The following SEM1 variants were observed in gnomAD, a reference collection of about 807,000 sequenced individuals.
SEM1 encodes the protein SEM1 26S proteasome subunit.
In SEM1, 3 loss-of-function variants were observed where a neutral mutation model predicts 12.7. The observed-to-expected ratio is 0.24, with a 90% CI of 0.11 to 0.61. The LOEUF (loss-of-function observed/expected upper bound fraction) is 0.61. Ranked by LOEUF, SEM1 falls within the 20% of genes least tolerant of loss-of-function variation. SEM1 has a pLI of 0.88. For synonymous variants in SEM1, 30 were observed against 27.8 expected, an observed-to-expected ratio of 1.08 and a Z score of -0.25; for missense variants, 59 against 81.3, an observed-to-expected ratio of 0.73 and a Z score of 1.06.
Position 96,572,210 on chromosome 7 carries a change from T to C in SEM1, c.171-65512A>G, listed in dbSNP as rs188077204. ...AGTCTGGCTAACCATCTATCTGTTGTGTTAATCTTTTCAAAAAACCAGCTT... is the reference window on the plus strand; with the variant it reads ...AGTCTGGCTAACCATCTATCTGTTGCGTTAATCTTTTCAAAAAACCAGCTT... On this transcript the variant is annotated intron_variant and NMD_transcript_variant, in intron 2 of 3. Transcript: ENST00000466986. Among the ~76,000 whole-genome samples, 801 of 152,304 alleles carry C rather than the reference T, an allele frequency of 5.3e-3. 11 individuals are homozygous for C. Among genetic ancestry groups the C allele is most frequent in the African/African-American group, 0.018 (765 of 41,566 alleles).
intron 2 of SEM1, among the ~76,000 whole-genome samples, chr7:96,530,700 T>A (rs1040347252): frequency 1.3e-5 from 2 of 152,104 alleles, no homozygotes; most frequent in African/African-American, 4.8e-5. Flanking sequence ...CTAAGCAGGA[T>A]TCCACCAGAA....
intron 2 of SEM1, among the ~76,000 whole-genome samples, chr7:96,518,782 C>G (rs1471800405): frequency 1.3e-5 from 2 of 152,122 alleles, no homozygotes; most frequent in Non-Finnish European, 2.9e-5. Flanking sequence ...ATCATCCCCC[C>G]ACTCCATCAT....
chr7:96,488,431 T>A (rs1802857869), intron 1 of SEM1, among the ~76,000 whole-genome samples: 1 of 152,178 alleles, frequency 6.6e-6, no homozygotes, highest in African/African-American at 2.4e-5. Flanking sequence ...TAGTACTTTT[T>A]ACCTTAATGC....
At chr7:96,622,647 G>GA (rs750029950) in intron 2 of SEM1, 8 of 764,326 alleles carry the variant, frequency 1.0e-5, no homozygotes. Flanking sequence ...TCCAGCCCTG[G>GA]AAAAATTAGA....
intron 2 of SEM1, among the ~76,000 whole-genome samples, chr7:96,515,105 A>T (rs1212477750): frequency 6.6e-6 from 1 of 152,154 alleles, no homozygotes; most frequent in Non-Finnish European, 1.5e-5. Context: ...TAATCAACTG[A>T]TATTTGACAA....
chr7:96,497,322 C>A (rs1484455653), upstream of SEM1, among the ~76,000 whole-genome samples: 1 of 151,940 alleles, frequency 6.6e-6, no homozygotes, highest in African/African-American at 2.4e-5. Flanking sequence ...TTAATCATAC[C>A]TTAAGCAGGA....
At chr7:96,487,595 A>G (rs1802826576) in intron 1 of SEM1, among the ~76,000 whole-genome samples, 1 of 150,096 alleles carries the variant, frequency 6.7e-6, no homozygotes, top group Admixed American at 6.6e-5. Flanking sequence ...TAAGGTGGAC[A>G]TGGCAAGTAT....
At chr7:96,524,005 T>C (rs1804366735) in intron 2 of SEM1, among the ~76,000 whole-genome samples, 1 of 152,180 alleles carries the variant, frequency 6.6e-6, no homozygotes, top group African/African-American at 2.4e-5. Context: ...TGTCCCCTTT[T>C]GGGTTTGTTG....
intron 2 of SEM1, among the ~76,000 whole-genome samples, chr7:96,592,240 G>A (rs1409918274): frequency 1.3e-5 from 2 of 151,838 alleles, no homozygotes; most frequent in African/African-American, 2.4e-5. Context: ...GGTCTGTGAG[G>A]AGGTATGAAA....
intron 2 of SEM1, among the ~76,000 whole-genome samples, chr7:96,643,609 G>A (rs990385640): frequency 6.6e-6 from 1 of 152,060 alleles, no homozygotes; most frequent in Admixed American, 6.6e-5. Context: ...TATACACCAT[G>A]GAATACTATG....
At chr7:96,597,041 G>A (rs1210027376) in intron 2 of SEM1, among the ~76,000 whole-genome samples, 1 of 152,050 alleles carries the variant, frequency 6.6e-6, no homozygotes, top group African/African-American at 2.4e-5. Flanking sequence ...TGTTTTGAGG[G>A]GAAACTAACA....
chr7:96,675,721 G>A (rs917852270), intron 2 of SEM1, among the ~76,000 whole-genome samples: 3 of 152,072 alleles, frequency 2.0e-5, no homozygotes, highest in African/African-American at 2.4e-5. Context: ...ATAGCCAGGG[G>A]GCCAGGCAAT....
intron 1 of SEM1, among the ~76,000 whole-genome samples, chr7:96,704,301 A>C (rs1425242990): frequency 6.6e-6 from 1 of 152,206 alleles, no homozygotes; most frequent in African/African-American, 2.4e-5. Context: ...GGACATAAAT[A>C]ACTTTTTTGG....
intron 1 of SEM1, among the ~76,000 whole-genome samples, chr7:96,487,899 C>T (rs1173376963): frequency 6.7e-6 from 1 of 150,142 alleles, no homozygotes; most frequent in African/African-American, 2.5e-5. Context: ...CTGATTTTGA[C>T]ATCAATGAGC....
chr7:96,520,946 T>G (rs1445274558), intron 2 of SEM1, among the ~76,000 whole-genome samples: 1 of 152,050 alleles, frequency 6.6e-6, no homozygotes, highest in African/African-American at 2.4e-5. Context: ...GAGAGCCCCG[T>G]AATTCTCAAG....
chr7:96,705,720 T>C (rs1790435692), intron 1 of SEM1, among the ~76,000 whole-genome samples: 1 of 151,088 alleles, frequency 6.6e-6, no homozygotes, highest in South Asian at 2.1e-4. Flanking sequence ...CTAGGGAGGC[T>C]GAGGCAGGAG....
intron 2 of SEM1, among the ~76,000 whole-genome samples, chr7:96,507,419 GA>G (rs1803788460): frequency 6.6e-6 from 1 of 152,000 alleles, no homozygotes; most frequent in Non-Finnish European, 1.5e-5. Flanking sequence ...CAAAAGGAAC[GA>G]AAAGCACAAC....
chr7:96,564,063 A>G, intron 2 of SEM1, among the ~76,000 whole-genome samples: 1 of 152,070 alleles, frequency 6.6e-6, no homozygotes, highest in South Asian at 2.1e-4. Context: ...ATTATTTAAA[A>G]TCAGAGAGTT....
intron 1 of SEM1, among the ~76,000 whole-genome samples, chr7:96,703,322 C>G (rs1344226258): frequency 2.0e-5 from 3 of 152,156 alleles, no homozygotes; most frequent in African/African-American, 7.2e-5. Flanking sequence ...TGTCTTGTGA[C>G]TATGTCCTTG....
Sources: gnomAD v4.1 joint callset for allele counts (sites outside exome capture counted in the v4.1 genomes callset) on GRCh38, gnomAD v4.1.1 for gene constraint, MANE v1.5 for transcripts, NCBI Gene and HGNC (gene_info 2026-07-23, HGNC 2026-07-21) for gene names.